PM20D2: variants seen among roughly 807,000 people sequenced by gnomAD.
PM20D2 encodes xaa-Arg dipeptidase.
PM20D2 carries 33 observed loss-of-function variants against 42.9 expected under a neutral mutation model. The ratio of observed to expected loss-of-function variants is 0.77; its 90% CI spans 0.58 to 1.03. The LOEUF is 1.03. Ranked by LOEUF, PM20D2 falls within the 50% of genes least tolerant of loss-of-function variation. PM20D2 has a pLI of 0.00. For missense variants in PM20D2, 548 were observed against 557.0 expected, an observed-to-expected ratio of 0.98 and a Z score of 0.16; for synonymous variants, 250 against 228.2, an observed-to-expected ratio of 1.10 and a Z score of -0.86.
the PM20D2 span, chr6:89,096,992 ATGAT>A: frequency 3.3e-5 from 5 of 152,232 alleles, no homozygotes; most frequent in Non-Finnish European, 1.5e-5. Context: ...AAATTTTGCT[ATGAT>A]TAGAGAAAAT....
the PM20D2 span, among the ~76,000 whole-genome samples, chr6:89,125,183 T>C: frequency 6.6e-6 from 1 of 152,160 alleles, no homozygotes; most frequent in Non-Finnish European, 1.5e-5. Context: ...TATTTTCTCT[T>C]TTAAAAAGTA....
chr6:89,139,399 G>T, the PM20D2 span, among the ~76,000 whole-genome samples: 2 of 152,180 alleles, frequency 1.3e-5, no homozygotes, highest in South Asian at 2.1e-4. Flanking sequence ...TTTTGGAGAG[G>T]TAAAGTCTCA....
the PM20D2 span, among the ~76,000 whole-genome samples, chr6:89,128,946 A>T: frequency 6.6e-6 from 1 of 152,310 alleles, no homozygotes; most frequent in Admixed American, 6.5e-5. Flanking sequence ...GGGGCTAAAA[A>T]AGCACATTAA....
Position 89,146,382 on chromosome 6 carries a change from C to T in PM20D2, c.238C>T (p.His80Tyr). ...CGCGGCCTCCTGGGCAGTGCAGCCG[C>T]ACTACCAGCTGCCCACGGCCTTCCG... The part of the protein sequence containing the change: ...PPAASWAVQP[H>Y]YQLPTAFRAE... The change falls in exon 1 of 7, where the codon CAC (histidine) becomes TAC (tyrosine). Residue 80 changes from histidine (H) to tyrosine (Y), a missense_variant. Coordinates refer to ENST00000275072, the MANE Select transcript of PM20D2 (RefSeq NM_001010853.3). The T allele has an allele frequency of 6.5e-7, 1 of 1,535,916 alleles. No individual in the cohort carries two copies. The highest frequency in any genetic ancestry group is 8.7e-7 in the Non-Finnish European group (1 of 1,148,828).
chr6:89,154,542 T>A (rs1348852115), intron 3 of PM20D2, among the ~76,000 whole-genome samples: 1 of 152,216 alleles, frequency 6.6e-6, no homozygotes, highest in African/African-American at 2.4e-5. Flanking sequence ...GATAATTATT[T>A]TTTCTTATCA....
rs1006175733 is a variant in PM20D2 at position 89,165,075 on chromosome 6, A to C, written c.*2812A>C. On this transcript the variant is annotated 3_prime_UTR_variant, in exon 7 of 7. Coordinates refer to ENST00000275072, the MANE Select transcript of PM20D2 (RefSeq NM_001010853.3). ...CTACCATCTTGAAAATTTTTGAGGA[A>C]GTGTTTCTGAAATATTTAAAAATAC... 4 of 152,094 alleles carry C rather than the reference A, an allele frequency of 2.6e-5. No individual in the cohort carries two copies. Among genetic ancestry groups the C allele is most frequent in the Admixed American group, 2.6e-4 (4 of 15,272 alleles). 9.4% of individuals were successfully genotyped at this position (152,094 alleles called of 1,614,324 possible).
chr6:89,130,644 G>C, the PM20D2 span, among the ~76,000 whole-genome samples: 1 of 151,264 alleles, frequency 6.6e-6, no homozygotes, highest in South Asian at 2.1e-4. Flanking sequence ...TGTTTTAATA[G>C]ACATGGAGTC....
chr6:89,163,159 G>C lies in PM20D2; in HGVS notation c.*896G>C, dbSNP rs1309465584. ...TTACTCTGAATATTCAGTACTTTTT[G>C]AATAAGCAAATATTGCTTCCTTGCT... On this transcript the variant is annotated 3_prime_UTR_variant, in exon 7 of 7. Coordinates refer to ENST00000275072, the MANE Select transcript of PM20D2 (RefSeq NM_001010853.3). 1 of 152,000 alleles carries C rather than the reference G, an allele frequency of 6.6e-6. No homozygotes were observed. The highest frequency in any genetic ancestry group is 1.5e-5 in the Non-Finnish European group (1 of 67,986). The allele number at this position is 152,000 out of a possible 1,614,324, so 9.4% of individuals were successfully genotyped here. A position where few individuals can be genotyped will look rare whatever the true frequency, so the allele number is the denominator to read the frequency against.
the PM20D2 span, among the ~76,000 whole-genome samples, chr6:89,121,914 A>G: frequency 6.6e-6 from 1 of 152,210 alleles, no homozygotes; most frequent in African/African-American, 2.4e-5. Context: ...TCTCATTTAG[A>G]TATCATCACC....
the PM20D2 span, among the ~76,000 whole-genome samples, chr6:89,117,636 G>T: frequency 1.3e-5 from 2 of 152,056 alleles, no homozygotes; most frequent in Non-Finnish European, 2.9e-5. Flanking sequence ...GAGGGCGGAG[G>T]CGCGAGTTCC....
At position 89,162,383 on chromosome 6, in the gene PM20D2, G is replaced by A. The variant is rs1262605163; in HGVS notation, c.*120G>A. ...GAGTAAAATTCTTTTTACCTGATAA[G>A]TGAGGACAGGGTGTGGAGAAAACAT... On this transcript the variant is annotated 3_prime_UTR_variant, in exon 7 of 7. Coordinates refer to ENST00000275072, the MANE Select transcript of PM20D2 (RefSeq NM_001010853.3). The A allele has an allele frequency of 1.9e-6, 2 of 1,051,438 alleles. No homozygotes were observed. Among genetic ancestry groups the A allele is most frequent in the African/African-American group, 3.2e-5 (2 of 61,908 alleles). 65.1% of individuals were successfully genotyped at this position (1,051,438 alleles called of 1,614,324 possible). A position where few individuals can be genotyped will look rare whatever the true frequency, so the allele number is the denominator to read the frequency against.
At chr6:89,132,951 G>A in the PM20D2 span, among the ~76,000 whole-genome samples, 3 of 149,348 alleles carry the variant, frequency 2.0e-5, no homozygotes, top group East Asian at 2.0e-4. Context: ...GGCCAGATGC[G>A]GCGGCTCATA....
chr6:89,147,271 G>A (rs954582081), intron 1 of PM20D2, among the ~76,000 whole-genome samples: 1 of 152,146 alleles, frequency 6.6e-6, no homozygotes, highest in Non-Finnish European at 1.5e-5. Context: ...TTGTCGTAGG[G>A]CAAGTTTAAT....
the PM20D2 span, chr6:89,105,355 A>T: frequency 3.1e-5 from 49 of 1,561,338 alleles, no homozygotes; most frequent in East Asian, 1.0e-3. Context: ...AAAGAATTTT[A>T]AATTAAAAAA....
At position 89,149,423 on chromosome 6, in the gene PM20D2, C is replaced by G; in HGVS notation, c.614+10C>G. 3.1e-6 allele frequency: 5 copies of G among 1,612,442 alleles called. No individual in the cohort carries two copies. The highest frequency in any genetic ancestry group is 4.2e-6 in the Non-Finnish European group (5 of 1,179,276). On this transcript the variant is annotated intron_variant, in intron 2 of 6. Transcript: ENST00000275072. ...ATATGGCTGAACATGAGTGAGTAAT[C>G]AAGTTGAAGATAAACTTCTTAGGGG...
chr6:89,098,644 T>A, the PM20D2 span: 1 of 1,614,038 alleles, frequency 6.2e-7, no homozygotes, highest in Non-Finnish European at 8.5e-7. Flanking sequence ...AATGCTTTGC[T>A]GTTTGTACTT....
chr6:89,142,064 C>T (rs1186965770), upstream of PM20D2, among the ~76,000 whole-genome samples: 2 of 152,026 alleles, frequency 1.3e-5, no homozygotes, highest in Non-Finnish European at 2.9e-5. Context: ...TCAAGCTATC[C>T]TCCCACCTCA....
At chr6:89,116,891 C>A in the PM20D2 span, among the ~76,000 whole-genome samples, 1 of 152,086 alleles carries the variant, frequency 6.6e-6, no homozygotes, top group Admixed American at 6.5e-5. Flanking sequence ...GTATCTATAC[C>A]TCTCTGGCCC....
chr6:89,116,887 A>G, the PM20D2 span, among the ~76,000 whole-genome samples: 2 of 152,192 alleles, frequency 1.3e-5, no homozygotes, highest in African/African-American at 4.8e-5. Flanking sequence ...CCATGTATCT[A>G]TACCTCTCTG....
Sources: allele counts gnomAD v4.1 joint callset (sites outside exome capture counted in the v4.1 genomes callset), GRCh38; gene constraint gnomAD v4.1.1; transcripts MANE v1.5; gene names NCBI Gene and HGNC (gene_info 2026-07-23, HGNC 2026-07-21).